The following LDHAL6A variants were observed in gnomAD, a reference collection of about 807,000 sequenced individuals.
LDHAL6A encodes the protein L-lactate dehydrogenase A-like 6A.
Under a neutral mutation model 28.2 loss-of-function variants are expected in LDHAL6A, and 19 were observed. The ratio of observed to expected loss-of-function variants is 0.67; its 90% CI spans 0.47 to 0.99. The LOEUF is 0.99. LDHAL6A is among the 50% of genes least tolerant of loss of function. LDHAL6A has a pLI of 0.00. For synonymous variants in LDHAL6A, 144 were observed against 134.4 expected, an observed-to-expected ratio of 1.07 and a Z score of -0.49; for missense variants, 372 against 398.6, an observed-to-expected ratio of 0.93 and a Z score of 0.57.
intron 1 of LDHAL6A, 136 bp from the exon 2 acceptor site, chr11:18,463,825 T>C (rs765122385): frequency 1.6e-6 from 1 of 608,382 alleles, no homozygotes; most frequent in Non-Finnish European, 3.0e-6. Flanking sequence ...GACAAAATGA[T>C]GAGATCATTT....
chr11:18,472,890 A>AAAGTG (rs1220459682), intron 3 of LDHAL6A, among the ~76,000 whole-genome samples: 2 of 152,226 alleles, frequency 1.3e-5, no homozygotes, highest in Non-Finnish European at 2.9e-5. Flanking sequence ...AAATAATATG[A>AAAGTG]AAGTGAACTC....
chr11:18,461,305 C>T (rs1440524969), intron 1 of LDHAL6A, among the ~76,000 whole-genome samples: 4 of 151,148 alleles, frequency 2.6e-5, no homozygotes, highest in Non-Finnish European at 5.9e-5. Flanking sequence ...CCAACACGCC[C>T]GGCTAATTTT....
chr11:18,467,229 C>T (rs566082171), intron 3 of LDHAL6A, among the ~76,000 whole-genome samples: 3 of 152,168 alleles, frequency 2.0e-5, no homozygotes, highest in East Asian at 3.9e-4. Flanking sequence ...ATTTTAATTT[C>T]GATGCTGAAG....
In LDHAL6A at chr11:18,465,792, C is replaced by G; in HGVS notation, c.400C>G (p.Leu134Val). Residue 134 changes from leucine to valine, a missense_variant, in exon 3 of 7, where the codon CTT becomes GTT. Transcript: ENST00000280706. ...CCAGTACAGTCCTCACTGCAAACTG[C>G]TTATTGTTACTAATCCAGGTCAGCT... is the stretch of plus-strand genomic sequence containing the variant. ...ITQYSPHCKLLIVTNPVDILT... is the reference protein window; with the variant it reads ...ITQYSPHCKLVIVTNPVDILT... 10 of 1,611,636 alleles carry G rather than the reference C, an allele frequency of 6.2e-6. No homozygotes were observed. Among genetic ancestry groups the G allele is most frequent in the Non-Finnish European group, 8.5e-6 (10 of 1,178,982 alleles).
At chr11:18,478,633 A>C (rs1228298371) in intron 6 of LDHAL6A, 73 bp from the exon 7 acceptor site, 11 of 1,184,084 alleles carry the variant, frequency 9.3e-6, no homozygotes, top group Non-Finnish European at 1.4e-5. Context: ...TTATTCATTC[A>C]CCTCCCAACT....
chr11:18,467,942 C>CACATATATATACGTATATAT (rs1565071165), intron 3 of LDHAL6A, among the ~76,000 whole-genome samples: 16 of 54,952 alleles, frequency 2.9e-4, no homozygotes, highest in Non-Finnish European at 4.0e-4. Flanking sequence ...TATATACACA[C>CACATATATATACGTATATAT]ACATATATAT....
At chr11:18,468,026 TATATATATATACATATATATAC>T (rs2133878425) in intron 3 of LDHAL6A, among the ~76,000 whole-genome samples, 1 of 53,722 alleles carries the variant, frequency 1.9e-5, no homozygotes, top group Non-Finnish European at 3.0e-5. Flanking sequence ...TATATATACG[TATATATATATACATATATATAC>T]GTATATATAT....
intron 1 of LDHAL6A, among the ~76,000 whole-genome samples, chr11:18,461,306 G>A (rs1265184763): frequency 2.0e-5 from 3 of 150,142 alleles, no homozygotes; most frequent in South Asian, 2.1e-4. Context: ...CAACACGCCC[G>A]GCTAATTTTT....
intron 1 of LDHAL6A, among the ~76,000 whole-genome samples, chr11:18,462,679 A>C (rs1251248325): frequency 2.7e-5 from 4 of 149,314 alleles, no homozygotes; most frequent in South Asian, 2.1e-4. Flanking sequence ...AAAAAAACCC[A>C]AAAATTAGCT....
At chr11:18,468,048 C>T (rs28825401) in intron 3 of LDHAL6A, among the ~76,000 whole-genome samples, 11 of 35,518 alleles carry the variant, frequency 3.1e-4, no homozygotes, top group African/African-American at 8.8e-4. Flanking sequence ...CATATATATA[C>T]GTATATATAT....
chr11:18,473,802 CTT>C (rs1404763476), intron 3 of LDHAL6A, among the ~76,000 whole-genome samples: 2 of 152,108 alleles, frequency 1.3e-5, no homozygotes, highest in East Asian at 3.8e-4. Context: ...GTATCCTTGT[CTT>C]GTTTCTGACT....
intron 1 of LDHAL6A, among the ~76,000 whole-genome samples, chr11:18,461,133 C>T (rs967082998): frequency 4.0e-5 from 6 of 149,932 alleles, no homozygotes; most frequent in Admixed American, 6.6e-5. Flanking sequence ...CCACCGCGCC[C>T]GGCCTTGGTC....
intron 3 of LDHAL6A, 102 bp downstream of exon 3, chr11:18,465,912 T>A (rs983038517): frequency 1.1e-6 from 1 of 935,940 alleles, no homozygotes; most frequent in Non-Finnish European, 1.6e-6. Flanking sequence ...TGGGGTAGGA[T>A]TGATCCTGCC....
chr11:18,471,222 T>G (rs1420657504), intron 3 of LDHAL6A, among the ~76,000 whole-genome samples: 1 of 151,588 alleles, frequency 6.6e-6, no homozygotes, highest in African/African-American at 2.4e-5. Context: ...TTTTTTTTTT[T>G]TTTTTGAGAG....
intron 3 of LDHAL6A, among the ~76,000 whole-genome samples, chr11:18,467,458 T>C (rs1849102954): frequency 6.6e-6 from 1 of 152,178 alleles, no homozygotes; most frequent in African/African-American, 2.4e-5. Flanking sequence ...TTTAACTTAA[T>C]ATATCATGAA....
rs149614577 is a variant in LDHAL6A at position 18,477,650 on chromosome 11, T to C, written c.741T>C (p.Tyr247=). ...SGYEMVKMKG[Y]TSWGISLSVA... ...ATGAGATGGTCAAAATGAAAGGTTA[T>C]ACTTCTTGGGGCATTAGCCTATCTG... Residue 247 remains tyrosine (Y), a synonymous_variant, in exon 6 of 7, where the codon TAT becomes TAC. Transcript: ENST00000280706. 3.4e-5 allele frequency: 55 copies of C among 1,612,456 alleles called. No homozygotes were observed. The highest frequency in any genetic ancestry group is 4.3e-5 in the Non-Finnish European group (51 of 1,179,604).
At chr11:18,464,859 A>G (rs1200461839) in intron 2 of LDHAL6A, among the ~76,000 whole-genome samples, 6 of 152,148 alleles carry the variant, frequency 3.9e-5, no homozygotes, top group Non-Finnish European at 8.8e-5. Flanking sequence ...ACAATTTGCT[A>G]TTCAAAGGTC....
rs1849477833 is a variant in LDHAL6A, at chr11:18,479,271, G to A, written c.*401G>A. On this transcript the variant is annotated 3_prime_UTR_variant, in exon 7 of 7. Coordinates refer to ENST00000280706, the MANE Select transcript of LDHAL6A (RefSeq NM_144972.5). ...TGAGATTACAGGGGTGAGCCACTGTGCCTGGCCTTAGCTTTGATTTAGTAT... is the reference window on the plus strand; with the variant it reads ...TGAGATTACAGGGGTGAGCCACTGTACCTGGCCTTAGCTTTGATTTAGTAT... The A allele has an allele frequency of 2.0e-5, 3 of 152,226 alleles. No homozygotes were observed. Among genetic ancestry groups the A allele is most frequent in the Admixed American group, 1.3e-4 (2 of 15,234 alleles). The allele number at this position is 152,226 out of a possible 1,614,324, so 9.4% of individuals were successfully genotyped here. A position where few individuals can be genotyped will look rare whatever the true frequency, so the allele number is the denominator to read the frequency against.
At chr11:18,472,588 T>C (rs1029759636) in intron 3 of LDHAL6A, among the ~76,000 whole-genome samples, 1 of 152,154 alleles carries the variant, frequency 6.6e-6, no homozygotes, top group African/African-American at 2.4e-5. Context: ...TTCACAGAGA[T>C]CCACTACAGG....
Sources: gnomAD v4.1 joint callset for allele counts (sites outside exome capture counted in the v4.1 genomes callset) on GRCh38, gnomAD v4.1.1 for gene constraint, MANE v1.5 for transcripts, NCBI Gene and HGNC (gene_info 2026-07-23, HGNC 2026-07-21) for gene names.